The following GPC5 variants were observed in gnomAD, a reference collection of about 807,000 sequenced individuals.
GPC5 encodes glypican 5.
GPC5 carries 47 observed loss-of-function variants against 53.9 expected under a neutral mutation model. The observed-to-expected ratio is 0.87, with a 90% confidence interval of 0.69 to 1.11. The LOEUF (loss-of-function observed/expected upper bound fraction) is 1.11. Among genes scored for constraint, GPC5 ranks in the 50% most tolerant of loss-of-function variants. The pLI, the probability that GPC5 is intolerant of heterozygous loss-of-function variation, is 0.00. For synonymous variants in GPC5, 286 were observed against 263.3 expected, an observed-to-expected ratio of 1.09 and a Z score of -0.84; for missense variants, 748 against 713.1, an observed-to-expected ratio of 1.05 and a Z score of -0.56.
intron 7 of GPC5, among the ~76,000 whole-genome samples, chr13:92,561,223 C>T (rs1413191): frequency 0.2 from 29,612 of 151,788 alleles, 2,865 homozygotes; most frequent in South Asian, 0.22. Context: ...AGTTATGCTG[C>T]GCTTATTTAC....
At chr13:91,432,211 G>GTGTA (rs1566390204) in intron 1 of GPC5, among the ~76,000 whole-genome samples, 3 of 121,602 alleles carry the variant, frequency 2.5e-5, no homozygotes, top group African/African-American at 9.0e-5. Context: ...TGCTGTGTGT[G>GTGTA]TGTGTGTGTG....
At chr13:91,814,417 A>T (rs1362176438) in intron 5 of GPC5, among the ~76,000 whole-genome samples, 1 of 152,188 alleles carries the variant, frequency 6.6e-6, no homozygotes, top group Non-Finnish European at 1.5e-5. Flanking sequence ...TAGTAGGGGA[A>T]AAGGAACCTG....
intron 7 of GPC5, among the ~76,000 whole-genome samples, chr13:92,812,616 A>T (rs1214723848): frequency 6.6e-6 from 1 of 151,858 alleles, no homozygotes; most frequent in Non-Finnish European, 1.5e-5. Flanking sequence ...ATCGAAGGCA[A>T]CTAGGTAAGA....
chr13:92,461,040 C>T (rs1411574538), intron 7 of GPC5, among the ~76,000 whole-genome samples: 1 of 152,086 alleles, frequency 6.6e-6, no homozygotes, highest in African/African-American at 2.4e-5. Context: ...AAGACTTCCT[C>T]TACACACATG....
At chr13:92,357,125 C>T (rs1247758905) in intron 7 of GPC5, among the ~76,000 whole-genome samples, 1 of 151,740 alleles carries the variant, frequency 6.6e-6, no homozygotes, top group African/African-American at 2.4e-5. Flanking sequence ...CATTGATGGG[C>T]ATTTGGATTG....
intron 1 of GPC5, among the ~76,000 whole-genome samples, chr13:91,432,289 A>T (rs1023946804): frequency 6.6e-6 from 1 of 150,918 alleles, no homozygotes; most frequent in African/African-American, 2.4e-5. Context: ...GTTAACCTGT[A>T]GCAGAATGTT....
intron 6 of GPC5, among the ~76,000 whole-genome samples, chr13:92,057,094 A>G (rs531167269): frequency 6.6e-6 from 1 of 152,150 alleles, no homozygotes; most frequent in Admixed American, 6.5e-5. Flanking sequence ...GCTTTTTCAA[A>G]TAAAATGGAG....
At chr13:92,009,829 T>A (rs1162692146) in intron 6 of GPC5, among the ~76,000 whole-genome samples, 2 of 152,192 alleles carry the variant, frequency 1.3e-5, no homozygotes, top group African/African-American at 4.8e-5. Flanking sequence ...TTATTTATCT[T>A]TTCTCACAGG....
At chr13:91,870,931 T>C (rs1296426126) in intron 5 of GPC5, among the ~76,000 whole-genome samples, 1 of 152,212 alleles carries the variant, frequency 6.6e-6, no homozygotes, top group Non-Finnish European at 1.5e-5. Flanking sequence ...ATTTTCAGAA[T>C]TTGGAATATT....
chr13:91,617,461 A>G (rs1174574544), intron 2 of GPC5, among the ~76,000 whole-genome samples: 1 of 152,166 alleles, frequency 6.6e-6, no homozygotes, highest in African/African-American at 2.4e-5. Flanking sequence ...GAAGGACATT[A>G]GGTATTAGTG....
At chr13:91,496,033 AAAAAT>A (rs1884240613) in intron 2 of GPC5, among the ~76,000 whole-genome samples, 2 of 145,442 alleles carry the variant, frequency 1.4e-5, no homozygotes, top group African/African-American at 2.6e-5. Context: ...AAAAAAAATA[AAAAAT>A]AAAAAATAAA....
intron 6 of GPC5, among the ~76,000 whole-genome samples, chr13:92,062,152 T>C (rs1222476514): frequency 6.6e-6 from 1 of 151,854 alleles, no homozygotes; most frequent in Non-Finnish European, 1.5e-5. Flanking sequence ...TTTTGCTTGA[T>C]TTTTTTGGGG....
chr13:92,205,756 A>C (rs370001449), intron 7 of GPC5, among the ~76,000 whole-genome samples: 53 of 152,308 alleles, frequency 3.5e-4, no homozygotes, highest in African/African-American at 1.2e-3. Context: ...TTTATAAAAC[A>C]ACTATTTCGG....
At chr13:91,925,183 T>C (rs67176352) in intron 6 of GPC5, among the ~76,000 whole-genome samples, 7,288 of 152,232 alleles carry the variant, frequency 0.048, 465 homozygotes, top group African/African-American at 0.15. Context: ...AAATTTTATG[T>C]GTAATACCAT....
At chr13:92,220,665 TAGC>T in intron 7 of GPC5, among the ~76,000 whole-genome samples, 1 of 152,310 alleles carries the variant, frequency 6.6e-6, no homozygotes, top group Non-Finnish European at 1.5e-5. Flanking sequence ...ACTTATTGTC[TAGC>T]ATTTGTGTAT....
chr13:92,114,209 A>G (rs764483344), intron 6 of GPC5, among the ~76,000 whole-genome samples: 1 of 152,180 alleles, frequency 6.6e-6, no homozygotes, highest in Non-Finnish European at 1.5e-5. Context: ...TGACATGTGC[A>G]CAGCAACACA....
chr13:91,506,302 G>GA (rs1156737429), intron 2 of GPC5, among the ~76,000 whole-genome samples: 4 of 151,980 alleles, frequency 2.6e-5, no homozygotes, highest in African/African-American at 9.7e-5. Flanking sequence ...AGAAGAAAAT[G>GA]AAAAATACAG....
At chr13:92,539,223 C>G (rs1303026559) in intron 7 of GPC5, among the ~76,000 whole-genome samples, 1 of 151,518 alleles carries the variant, frequency 6.6e-6, no homozygotes, top group Admixed American at 6.6e-5. Flanking sequence ...ATATCTAGTT[C>G]TAGATCCTTG....
At chr13:92,474,167 A>G (rs1038178164) in intron 7 of GPC5, among the ~76,000 whole-genome samples, 3 of 150,368 alleles carry the variant, frequency 2.0e-5, no homozygotes, top group African/African-American at 7.4e-5. Context: ...TTTTCCCACA[A>G]TTCTCCTCTG....
Sources: gnomAD v4.1 joint callset for allele counts (sites outside exome capture counted in the v4.1 genomes callset) on GRCh38, gnomAD v4.1.1 for gene constraint, MANE v1.5 for transcripts, NCBI Gene and HGNC (gene_info 2026-07-23, HGNC 2026-07-21) for gene names.